TTC32: variants seen among roughly 807,000 people sequenced by gnomAD.
The protein encoded by TTC32 is tetratricopeptide repeat domain 32.
A neutral mutation model predicts 15.3 loss-of-function variants in TTC32; 16 were observed. That is an observed-to-expected ratio of 1.05 (90% CI 0.71 to 1.59). The LOEUF (loss-of-function observed/expected upper bound fraction) is 1.59, where lower values mean the gene tolerates loss of function less well. Among genes scored for constraint, TTC32 ranks in the 40% most tolerant of loss-of-function variants. The pLI is 0.00. For synonymous variants in TTC32, 89 were observed against 67.8 expected, an observed-to-expected ratio of 1.31 and a Z score of -1.53; for missense variants, 188 against 181.9, an observed-to-expected ratio of 1.03 and a Z score of -0.19.
intron 2 of TTC32, among the ~76,000 whole-genome samples, chr2:19,897,505 C>T (rs114643344): frequency 0.011 from 1,622 of 152,274 alleles, 20 homozygotes; most frequent in Non-Finnish European, 0.016. Context: ...TCCCTTTAAT[C>T]CAAGAATCTA....
chr2:19,901,538 A>T, intron 1 of TTC32, 168 bp downstream of exon 1: 1 of 877,344 alleles, frequency 1.1e-6, no homozygotes, highest in Non-Finnish European at 1.7e-6. Flanking sequence ...CCCTCGTCCT[A>T]GGCCTCGCCT....
At chr2:19,899,785 T>C (rs1669572657) in intron 1 of TTC32, among the ~76,000 whole-genome samples, 1 of 151,986 alleles carries the variant, frequency 6.6e-6, no homozygotes, top group Admixed American at 6.6e-5. Context: ...AGCTATACTT[T>C]AGATATTAAA....
intron 1 of TTC32, 133 bp from the exon 2 acceptor site, chr2:19,898,168 A>G: frequency 1.3e-6 from 1 of 796,654 alleles, no homozygotes; most frequent in South Asian, 2.8e-5. Context: ...TCCAAGCTGA[A>G]GAAAAAACGT....
chr2:19,897,009 CTTCTT>C lies in TTC32; in HGVS notation c.429_433del (p.Arg144LysfsTer12). 6.3e-7 allele frequency: 1 copy of C among 1,583,754 alleles called. No individual in the cohort carries two copies. The highest frequency in any genetic ancestry group is 2.3e-5 in the East Asian group (1 of 43,610). ...ATATCAATAATTTTTTGCAACATTT[CTTCTT>C]TGTTTTTCTTCTTTGTCTAGAATAG... On this transcript the variant is annotated frameshift_variant, in exon 3 of 3. Coordinates refer to ENST00000333610, the MANE Select transcript of TTC32 (RefSeq NM_001008237.3). LOFTEE classifies it high-confidence loss of function.
At chr2:19,897,800 A>G in intron 2 of TTC32, 69 bp downstream of exon 2, 1 of 1,274,344 alleles carries the variant, frequency 7.8e-7, no homozygotes, top group East Asian at 2.5e-5. Context: ...TTAGTTTTAC[A>G]ACATTTGAAA....
At position 19,901,657 on chromosome 2, in the gene TTC32, C is replaced by T. The variant is rs771536131; in HGVS notation, c.149+49G>A. On this transcript the variant is annotated intron_variant, in intron 1 of 2. Transcript: ENST00000333610. ...AAGATAGGAGCCCAAACAACCCCAA[C>T]GTCGCCTCCACCCGGGGTCGCCGCG... The T allele has an allele frequency of 2.5e-6, 4 of 1,584,270 alleles. No individual in the cohort carries two copies. The East Asian group carries it at 6.7e-5, about 27-fold the overall frequency.
intron 2 of TTC32, among the ~76,000 whole-genome samples, chr2:19,897,327 C>A (rs910828777): frequency 6.6e-6 from 1 of 152,030 alleles, no homozygotes; most frequent in African/African-American, 2.4e-5. Context: ...GAATAATACA[C>A]CTAAAATTAG....
At chr2:19,901,077 G>C in intron 1 of TTC32, 2 of 471,288 alleles carry the variant, frequency 4.2e-6, no homozygotes, top group Non-Finnish European at 8.8e-6. Flanking sequence ...TTGATATTAA[G>C]TAACTATGTG....
chr2:19,901,672 G>C, intron 1 of TTC32, 34 bp downstream of exon 1: 1 of 1,598,276 alleles, frequency 6.3e-7, no homozygotes. Context: ...CCTCCACCCG[G>C]GGTCGCCGCG....
Position 19,901,768 on chromosome 2 carries a change from T to G in TTC32, c.87A>C (p.Ala29=), listed in dbSNP as rs143714051. The stretch of plus-strand genomic sequence containing the variant: ...ACCGGCGAATGTAAGCGGAGTACAG[T>G]GCCTCGGCCTCCGCGTACTCTCCAT... The part of the protein sequence containing the change: ...FNNGEYAEAE[A]LYSAYIRRCA... The change falls in exon 1 of 3, where the codon GCA becomes GCC. Residue 29 remains alanine, a synonymous_variant. Coordinates refer to ENST00000333610, the MANE Select transcript of TTC32 (RefSeq NM_001008237.3). The G allele has an allele frequency of 1.1e-4, 181 of 1,614,192 alleles. No homozygotes were observed. The highest frequency in any genetic ancestry group is 1.5e-4 in the Non-Finnish European group (173 of 1,180,024).
chr2:19,897,888 C>A lies in TTC32; in HGVS notation c.297G>T (p.Gly99=). Residue 99 remains glycine, a synonymous_variant, in exon 2 of 3, where the codon GGG becomes GGT. Coordinates refer to ENST00000333610, the MANE Select transcript of TTC32 (RefSeq NM_001008237.3). ...TCTTACCCAGCCTATACAGTATCAA[C>A]CCTCTGTTGTAATATGGAACTTCAA... ...PNFEVPYYNR[G]LILYRLGYFD... 2 of 1,608,954 alleles carry A rather than the reference C, an allele frequency of 1.2e-6. No homozygotes were observed.
intron 1 of TTC32, among the ~76,000 whole-genome samples, chr2:19,898,900 A>G (rs1407245175): frequency 6.6e-6 from 1 of 152,226 alleles, no homozygotes; most frequent in Non-Finnish European, 1.5e-5. Flanking sequence ...GTCAGGGATG[A>G]TTCTGTTTCC....
chr2:19,900,382 G>C (rs1362322241), intron 1 of TTC32, among the ~76,000 whole-genome samples: 1 of 152,142 alleles, frequency 6.6e-6, no homozygotes, highest in African/African-American at 2.4e-5. Context: ...ATTGAAATGA[G>C]AAGGCAATTT....
chr2:19,897,250 T>G, intron 2 of TTC32, 124 bp from the exon 3 acceptor site: 1 of 933,266 alleles, frequency 1.1e-6, no homozygotes, highest in East Asian at 3.0e-5. Context: ...TCACTTCTAG[T>G]AAAGGAATCT....
chr2:19,901,204 TA>T lies in TTC32; in HGVS notation c.149+501del, dbSNP rs559589876. On this transcript the variant is annotated intron_variant, in intron 1 of 2. Coordinates refer to ENST00000333610, the MANE Select transcript of TTC32 (RefSeq NM_001008237.3). The stretch of plus-strand genomic sequence containing the variant: ...TTCGTTATGCTCTCTTCCACATATT[TA>T]AACGTTTTTCACAAGTGAAAAACAC... 7.0e-4 allele frequency: 236 copies of T among 339,310 alleles called. 2 individuals are homozygous for T. Among genetic ancestry groups the T allele is most frequent in the African/African-American group, 5.0e-3 (225 of 44,640 alleles). 21.0% of individuals were successfully genotyped at this position (339,310 alleles called of 1,614,324 possible).
chr2:19,899,055 A>G (rs912967134), intron 1 of TTC32, among the ~76,000 whole-genome samples: 1 of 152,252 alleles, frequency 6.6e-6, no homozygotes, highest in African/African-American at 2.4e-5. Flanking sequence ...TACTTCTCTT[A>G]ATATCTTGAT....
At chr2:19,901,595 G>A (rs1035061387) in intron 1 of TTC32, 111 bp downstream of exon 1, 3 of 1,415,850 alleles carry the variant, frequency 2.1e-6, no homozygotes, top group African/African-American at 2.9e-5. Context: ...TCCTAGTGCT[G>A]GGTTATGACA....
intron 1 of TTC32, among the ~76,000 whole-genome samples, chr2:19,899,209 A>C (rs1285910629): frequency 6.6e-6 from 1 of 152,128 alleles, no homozygotes; most frequent in East Asian, 1.9e-4. Context: ...GCTGTGATGG[A>C]GACTGGATGT....
intron 1 of TTC32, among the ~76,000 whole-genome samples, chr2:19,900,050 A>C (rs757540449): frequency 1.3e-5 from 2 of 152,258 alleles, no homozygotes; most frequent in Non-Finnish European, 2.9e-5. Flanking sequence ...TTCAGGCATG[A>C]TGAACTCCCT....
Sources: gnomAD v4.1 joint callset for allele counts (sites outside exome capture counted in the v4.1 genomes callset) on GRCh38, gnomAD v4.1.1 for gene constraint, MANE v1.5 for transcripts, NCBI Gene and HGNC (gene_info 2026-07-23, HGNC 2026-07-21) for gene names.